PTPN21: variants seen among roughly 807,000 people sequenced by gnomAD.
PTPN21 encodes the protein protein tyrosine phosphatase non-receptor type 21.
PTPN21 carries 77 observed loss-of-function variants against 131.8 expected under a neutral mutation model. The ratio of observed to expected loss-of-function variants is 0.58; its 90% CI spans 0.49 to 0.71. The LOEUF is 0.71. Among genes scored for constraint, PTPN21 ranks in the 30% least tolerant of loss-of-function variants. The pLI is 0.00. For synonymous variants in PTPN21, 715 were observed against 621.3 expected, an observed-to-expected ratio of 1.15 and a Z score of -2.24; for missense variants, 1,552 against 1,527.1, an observed-to-expected ratio of 1.02 and a Z score of -0.27.
chr14:88,524,523 ATC>A (rs1264414970), intron 2 of PTPN21, among the ~76,000 whole-genome samples: 2 of 152,218 alleles, frequency 1.3e-5, no homozygotes, highest in African/African-American at 4.8e-5. Flanking sequence ...ATTAGGGTAA[ATC>A]TCTGTGATCT....
At chr14:88,484,095 G>T (rs1156610830) in intron 12 of PTPN21, among the ~76,000 whole-genome samples, 1 of 150,248 alleles carries the variant, frequency 6.7e-6, no homozygotes, top group Non-Finnish European at 1.5e-5. Flanking sequence ...AGGCTGGAGT[G>T]CAGTAGCACA....
chr14:88,481,655 A>C (rs1172292514), intron 12 of PTPN21, among the ~76,000 whole-genome samples: 1 of 152,242 alleles, frequency 6.6e-6, no homozygotes, highest in Non-Finnish European at 1.5e-5. Flanking sequence ...ACAGGAGTCC[A>C]GAGGAAGAAA....
At position 88,479,677 on chromosome 14, in the gene PTPN21, A is replaced by T; in HGVS notation, c.1754T>A (p.Leu585His). 8.2e-7 allele frequency: 1 copy of T among 1,218,914 alleles called. No individual in the cohort carries two copies. Among genetic ancestry groups the T allele is most frequent in the Middle Eastern group, 2.7e-4 (1 of 3,666 alleles). The allele number at this position is 1,218,914 out of a possible 1,614,324, so 75.5% of individuals were successfully genotyped here. Reference protein sequence around the residue: ...ANSTPDLSRHLYISSSNPDLI... With the variant: ...ANSTPDLSRHHYISSSNPDLI... ...GTCGGGGTTGCTGCTGCTGATGTAA[A>T]GGTGGCGGGACAGGTCTGGCGTGCT... Residue 585 changes from leucine (L) to histidine (H), a missense_variant, in exon 13 of 19, where the codon CTT becomes CAT. Physicochemically the swap from Leu to His is moderately conservative, Grantham distance 99 (BLOSUM62 -3). Coordinates refer to ENST00000556564, the MANE Select transcript of PTPN21 (RefSeq NM_007039.4).
chr14:88,474,618 C>T (rs1230450997), intron 13 of PTPN21, among the ~76,000 whole-genome samples: 2 of 151,996 alleles, frequency 1.3e-5, no homozygotes. Context: ...ACTTAGATGA[C>T]CCGGGTTAGA....
chr14:88,497,306 T>C lies in PTPN21; in HGVS notation c.765-16A>G, dbSNP rs779626199. 2.5e-6 allele frequency: 4 copies of C among 1,598,208 alleles called. No individual in the cohort carries two copies. Among genetic ancestry groups the C allele is most frequent in the South Asian group, 2.2e-5 (2 of 90,708 alleles). On this transcript the variant is annotated splice_polypyrimidine_tract_variant and intron_variant, in intron 8 of 18. Transcript: ENST00000556564. ...GTCATGCCACCTAAAGAACAGCAAA[T>C]AGAGAACTGGCAATGTGAGTGCCCA...
rs73314137 is a variant in PTPN21, at chr14:88,478,923, T to C, written c.2508A>G (p.Leu836=). Residue 836 remains leucine (L), a synonymous_variant, in exon 13 of 19, where the codon CTA becomes CTG. Coordinates refer to ENST00000556564, the MANE Select transcript of PTPN21 (RefSeq NM_007039.4). ...CACTGCTCGCCGCGTGGCTTACCCC[T>C]AGAGGCGGGAGCCCTTCCACGATGT... ...KKNIVEGLPP[L]GGMKKTRVDA... is the part of the protein sequence containing the mutation. 6.8e-3 allele frequency: 10,080 copies of C among 1,484,792 alleles called. 606 individuals are homozygous for C. In the African/African-American group the frequency reaches 0.13, roughly 19 times the overall value. The allele number at this position is 1,484,792 out of a possible 1,614,324, so 92.0% of individuals were successfully genotyped here. A position where few individuals can be genotyped will look rare whatever the true frequency, so the allele number is the denominator to read the frequency against.
intron 2 of PTPN21, among the ~76,000 whole-genome samples, chr14:88,540,514 T>C (rs2078691060): frequency 6.6e-6 from 1 of 152,230 alleles, no homozygotes; most frequent in Admixed American, 6.5e-5. Context: ...AAACTTTACC[T>C]CTTTTCTTCC....
At chr14:88,514,214 A>G (rs1226448757) in intron 3 of PTPN21, among the ~76,000 whole-genome samples, 1 of 152,090 alleles carries the variant, frequency 6.6e-6, no homozygotes, top group Non-Finnish European at 1.5e-5. Flanking sequence ...TATAGTTTCT[A>G]TCATTTCAAA....
intron 2 of PTPN21, among the ~76,000 whole-genome samples, chr14:88,535,367 T>C (rs369787054): frequency 6.2e-4 from 95 of 152,302 alleles, no homozygotes; most frequent in African/African-American, 1.9e-3. Flanking sequence ...TGACAATGCC[T>C]GAGATTCCAA....
At chr14:88,539,804 T>C (rs1242135369) in intron 2 of PTPN21, among the ~76,000 whole-genome samples, 1 of 152,192 alleles carries the variant, frequency 6.6e-6, no homozygotes, top group Admixed American at 6.6e-5. Context: ...ATAATAATAA[T>C]ACAATTTTAG....
intron 12 of PTPN21, among the ~76,000 whole-genome samples, chr14:88,482,874 C>T (rs1370593579): frequency 4.0e-5 from 6 of 151,076 alleles, no homozygotes; most frequent in African/African-American, 1.2e-4. Flanking sequence ...GAGGAGTGGG[C>T]GGGTAACCAG....
intron 2 of PTPN21, among the ~76,000 whole-genome samples, chr14:88,536,902 T>C (rs1339763191): frequency 6.6e-6 from 1 of 152,146 alleles, no homozygotes; most frequent in Non-Finnish European, 1.5e-5. Context: ...AGTTAACAAG[T>C]ATTAACCTAA....
rs757051084 is a variant in PTPN21, at chr14:88,467,549, A to G, written c.*588T>C. 1.3e-5 allele frequency: 2 copies of G among 152,270 alleles called. No homozygotes were observed. Among genetic ancestry groups the G allele is most frequent in the Non-Finnish European group, 2.9e-5 (2 of 68,076 alleles). The allele number at this position is 152,270 out of a possible 1,614,324, so 9.4% of individuals were successfully genotyped here. On this transcript the variant is annotated 3_prime_UTR_variant, in exon 19 of 19. Transcript: ENST00000556564. ...ATAGAAAAATCCTTTTGATGTTTCAAAATAACACAGATTCTCAGTATAGTT... is the reference window on the plus strand; with the variant it reads ...ATAGAAAAATCCTTTTGATGTTTCAGAATAACACAGATTCTCAGTATAGTT...
At chr14:88,495,356 G>A (rs2077895183) in intron 10 of PTPN21, among the ~76,000 whole-genome samples, 1 of 152,168 alleles carries the variant, frequency 6.6e-6, no homozygotes, top group Non-Finnish European at 1.5e-5. Context: ...GCGGTAGGAT[G>A]CAGGAGTCAA....
Position 88,496,463 on chromosome 14 carries a change from C to G in PTPN21, c.882G>C (p.Trp294Cys). 1.2e-6 allele frequency: 2 copies of G among 1,613,960 alleles called. No homozygotes were observed. The highest frequency in any genetic ancestry group is 1.7e-6 in the Non-Finnish European group (2 of 1,179,916). ...ACTTGTGTCGCGCAACACAGAGTCT[C>G]CAAATGTATTTTGCTGTTTCCATGT... ...TEDMETAKYIWRLCVARHKFY... is the reference protein window; with the variant it reads ...TEDMETAKYICRLCVARHKFY... Residue 294 changes from tryptophan to cysteine, a missense_variant, in exon 10 of 19, where the codon TGG (tryptophan) becomes TGC (cysteine). Around this residue, in one of 4 missense-constraint regions of PTPN21, gnomAD observed 1,016 missense variants for 883.5 expected, o/e 1.15. Transcript: ENST00000556564.
At chr14:88,484,801 T>C (rs2140106936) in intron 12 of PTPN21, among the ~76,000 whole-genome samples, 1 of 152,212 alleles carries the variant, frequency 6.6e-6, no homozygotes, top group African/African-American at 2.4e-5. Flanking sequence ...GGCACAAGAA[T>C]TGCTTGAATC....
chr14:88,499,513 A>C (rs1337605018), intron 8 of PTPN21: 1 of 152,210 alleles, frequency 6.6e-6, no homozygotes, highest in Non-Finnish European at 1.5e-5. Context: ...TGGAGGATCC[A>C]AGTTCTAGTC....
At chr14:88,518,086 A>G (rs2078308446) in intron 2 of PTPN21, among the ~76,000 whole-genome samples, 1 of 146,528 alleles carries the variant, frequency 6.8e-6, no homozygotes, top group Admixed American at 6.9e-5. Context: ...GATATGCAAG[A>G]GCAATTGAGT....
At chr14:88,502,164 C>A (rs942175267) in intron 6 of PTPN21, among the ~76,000 whole-genome samples, 1 of 152,110 alleles carries the variant, frequency 6.6e-6, no homozygotes, top group African/African-American at 2.4e-5. Context: ...TGCATGCAGA[C>A]TTGCATCTCC....
Sources: allele counts gnomAD v4.1 joint callset (sites outside exome capture counted in the v4.1 genomes callset), GRCh38; gene constraint gnomAD v4.1.1; regional missense constraint gnomAD v4.1.1; transcripts MANE v1.5; gene names NCBI Gene and HGNC (gene_info 2026-07-23, HGNC 2026-07-21).